RCBTB1: variants seen among roughly 807,000 people sequenced by gnomAD.
The protein encoded by RCBTB1 is RCC1 and BTB domain-containing protein 1.
In RCBTB1, 46 loss-of-function variants were observed where a neutral mutation model predicts 62.4. That is an observed-to-expected ratio of 0.74 (90% CI 0.58 to 0.94). The LOEUF is 0.94. Ranked by LOEUF, RCBTB1 falls within the 40% of genes least tolerant of loss-of-function variation. The probability of loss-of-function intolerance (pLI) is 0.00; values close to 1 mark genes in which losing one functional copy is unlikely to be tolerated. For synonymous variants in RCBTB1, 222 were observed against 245.8 expected, an observed-to-expected ratio of 0.90 and a Z score of 0.91; for missense variants, 565 against 654.9, an observed-to-expected ratio of 0.86 and a Z score of 1.50.
At chr13:49,580,013 G>A (rs1046243995) in intron 2 of RCBTB1, among the ~76,000 whole-genome samples, 10 of 151,978 alleles carry the variant, frequency 6.6e-5, no homozygotes, top group South Asian at 2.1e-4. Flanking sequence ...ATTTCATCTC[G>A]TCTCACTTCT....
chr13:49,558,298 G>A (rs7989915), intron 5 of RCBTB1, among the ~76,000 whole-genome samples: 37,288 of 152,090 alleles, frequency 0.25, 5,929 homozygotes, highest in African/African-American at 0.44. Flanking sequence ...GGTGTCCTGC[G>A]CTGCCAGAAG....
At chr13:49,540,805 C>T (rs148998522) in intron 12 of RCBTB1, 71 bp downstream of exon 12, 51 of 1,527,256 alleles carry the variant, frequency 3.3e-5, no homozygotes, top group South Asian at 8.8e-5. Context: ...CCATGCCTCA[C>T]GCAAGAAGCG....
chr13:49,552,151 C>T (rs770424281), intron 7 of RCBTB1, 27 bp downstream of exon 7: 3 of 1,421,186 alleles, frequency 2.1e-6, no homozygotes, highest in East Asian at 2.4e-5. Flanking sequence ...GATGGGAAGC[C>T]ACTAACTGAG....
At chr13:49,572,097 C>G (rs965733382) in intron 2 of RCBTB1, among the ~76,000 whole-genome samples, 57 of 152,208 alleles carry the variant, frequency 3.7e-4, no homozygotes, top group Middle Eastern at 3.4e-3. Context: ...GAGGTAGAGG[C>G]AGGCAGATCA....
chr13:49,565,406 G>C (rs1357334041), intron 4 of RCBTB1, among the ~76,000 whole-genome samples: 1 of 152,086 alleles, frequency 6.6e-6, no homozygotes. Flanking sequence ...CTCCCAAAGT[G>C]CCGAGATTGC....
chr13:49,548,538 A>C lies in RCBTB1; in HGVS notation c.1045+920T>G, dbSNP rs530172326. The stretch of plus-strand genomic sequence containing the variant: ...ATGACAGCACTACCCACGAGAGTCA[A>C]AGGTGGGAACAACCCACATGTCCAT... On this transcript the variant is annotated intron_variant, in intron 9 of 12. Transcript: ENST00000378302. Among the ~76,000 whole-genome samples, 10 of 152,290 alleles carry C rather than the reference A, an allele frequency of 6.6e-5. No individual in the cohort carries two copies. In the East Asian group the frequency reaches 1.9e-3, roughly 29 times the overall value.
chr13:49,582,974 C>CAAG (rs1307032631), intron 1 of RCBTB1, among the ~76,000 whole-genome samples: 1 of 151,942 alleles, frequency 6.6e-6, no homozygotes, highest in Non-Finnish European at 1.5e-5. Context: ...GCTAGGTGTT[C>CAAG]AAGACCAGCC....
intron 10 of RCBTB1, 133 bp downstream of exon 10, chr13:49,544,604 T>C: frequency 3.0e-6 from 2 of 668,492 alleles, no homozygotes; most frequent in Non-Finnish European, 4.9e-6. Flanking sequence ...AATGGACTGA[T>C]ACTATCTGCA....
chr13:49,547,889 A>C (rs932502702), intron 9 of RCBTB1, among the ~76,000 whole-genome samples: 8 of 152,098 alleles, frequency 5.3e-5, no homozygotes, highest in African/African-American at 1.9e-4. Context: ...CCCAGGCTCA[A>C]GCAATTCTCC....
rs1964040982 is a variant in RCBTB1 at position 49,580,569 on chromosome 13, G to A, written c.-106C>T. 6.6e-6 allele frequency: 1 copy of A among 152,220 alleles called. No individual in the cohort carries two copies. The highest frequency in any genetic ancestry group is 1.5e-5 in the Non-Finnish European group (1 of 68,070). The allele number at this position is 152,220 out of a possible 1,614,324, so 9.4% of individuals were successfully genotyped here. A position where few individuals can be genotyped will look rare whatever the true frequency, so the allele number is the denominator to read the frequency against. On this transcript the variant is annotated 5_prime_UTR_variant, in exon 2 of 13. Transcript: ENST00000378302. ...CACCACTGTATTCCAGTCTGGGCAA[G>A]AGAGCAAGATCCTGTCTGAAAAAGA...
chr13:49,560,132 A>AC (rs778886612), intron 4 of RCBTB1, 48 bp from the exon 5 acceptor site: 93 of 1,589,522 alleles, frequency 5.9e-5, no homozygotes, highest in Non-Finnish European at 7.7e-5. Flanking sequence ...AGAAATAGTA[A>AC]CCCTGTACTT....
In RCBTB1 at chr13:49,540,991, G is replaced by A. The variant is rs375322776; in HGVS notation, c.1340C>T (p.Ala447Val). The A allele has an allele frequency of 5.6e-6, 9 of 1,611,850 alleles. No individual in the cohort carries two copies. The highest frequency in any genetic ancestry group is 5.3e-5 in the African/African-American group (4 of 74,998). ...CAGTCTGTTTTCACAGTAAGATGTC[G>A]CCAAATCCAGAAGACCTAAAAGTAA... ...PEDAIGLLDL[A>V]TSYCENRLKK... The change falls in exon 12 of 13, where the codon GCG (alanine) becomes GTG (valine). Residue 447 changes from alanine (A) to valine (V), a missense_variant. Physicochemically the swap from Ala to Val is moderately conservative, Grantham distance 64 (BLOSUM62 0). Coordinates refer to ENST00000378302, the MANE Select transcript of RCBTB1 (RefSeq NM_018191.4).
chr13:49,551,143 G>GA (rs1478850388), intron 8 of RCBTB1, 183 bp downstream of exon 8: 15 of 552,604 alleles, frequency 2.7e-5, no homozygotes, highest in South Asian at 7.4e-5. Flanking sequence ...GGAGAAGGGG[G>GA]AAGGGGGAAG....
intron 10 of RCBTB1, among the ~76,000 whole-genome samples, chr13:49,542,572 G>T (rs2139138456): frequency 6.6e-6 from 1 of 151,974 alleles, no homozygotes; most frequent in Middle Eastern, 3.4e-3. Context: ...TGATTCATTT[G>T]TTTTTTGTTT....
chr13:49,559,655 C>CAAA lies in RCBTB1; in HGVS notation c.444+260_444+262dup, dbSNP rs11458278. ...TGGGCGACAGAGCGAGACTCCATCTCAAAAAAAAAAAAAAAAAGAAAGTTG... is the reference window on the plus strand; with the variant it reads ...TGGGCGACAGAGCGAGACTCCATCTCAAAAAAAAAAAAAAAAAAAAGAAAGTTG... On this transcript the variant is annotated intron_variant, in intron 5 of 12. Coordinates refer to ENST00000378302, the MANE Select transcript of RCBTB1 (RefSeq NM_018191.4). Among the ~76,000 whole-genome samples, 30 of 103,912 alleles carry CAAA rather than the reference C, an allele frequency of 2.9e-4. 1 individual carries two copies. The East Asian group carries it at 3.2e-3, about 11-fold the overall frequency. The allele number at this position is 103,912 out of a possible 152,430, so 68.2% of individuals were successfully genotyped here. A position where few individuals can be genotyped will look rare whatever the true frequency, so the allele number is the denominator to read the frequency against.
In RCBTB1 at chr13:49,544,738, T is replaced by A. The variant is rs747267501; in HGVS notation, c.1171A>T (p.Arg391Trp). The change falls in exon 10 of 13, where the codon AGG becomes TGG. Residue 391 changes from arginine to tryptophan, a missense_variant and splice_region_variant. Transcript: ENST00000378302. ...GTCTCTGAGCTCATGCAAAAATACCTGATTTTCAAAACAGCTTTATGGACA... is the reference window on the plus strand; with the variant it reads ...GTCTCTGAGCTCATGCAAAAATACCAGATTTTCAAAACAGCTTTATGGACA... The part of the protein sequence containing the change: ...IHVHKAVLKI[R>W]CEHFRSMFQS... 3.7e-6 allele frequency: 6 copies of A among 1,609,658 alleles called. No homozygotes were observed. Among genetic ancestry groups the A allele is most frequent in the Non-Finnish European group, 4.2e-6 (5 of 1,178,330 alleles).
intron 2 of RCBTB1, among the ~76,000 whole-genome samples, chr13:49,575,962 C>A (rs1344571658): frequency 3.9e-5 from 6 of 151,918 alleles, no homozygotes; most frequent in Non-Finnish European, 1.5e-5. Context: ...CCAAGACGAG[C>A]AGATCACAAG....
At chr13:49,567,028 T>C (rs1594326959) in intron 3 of RCBTB1, 126 bp downstream of exon 3, 1 of 882,630 alleles carries the variant, frequency 1.1e-6, no homozygotes, top group Admixed American at 2.7e-5. Flanking sequence ...ATCAAAGCCA[T>C]AGTCTTCCTG....
At chr13:49,576,673 T>C (rs1462901905) in intron 2 of RCBTB1, among the ~76,000 whole-genome samples, 1 of 152,158 alleles carries the variant, frequency 6.6e-6, no homozygotes. Context: ...GAGCTGTAAT[T>C]AGAATGTCAG....
Sources: gnomAD v4.1 joint callset for allele counts (sites outside exome capture counted in the v4.1 genomes callset) on GRCh38, gnomAD v4.1.1 for gene constraint, MANE v1.5 for transcripts, NCBI Gene and HGNC (gene_info 2026-07-23, HGNC 2026-07-21) for gene names.